COL4A3: variants seen among roughly 807,000 people sequenced by gnomAD.
The protein encoded by COL4A3 is collagen type IV alpha 3 chain.
Under a neutral mutation model 217.4 loss-of-function variants are expected in COL4A3, and 135 were observed. The observed-to-expected ratio is 0.62, with a 90% CI of 0.54 to 0.72. The LOEUF (loss-of-function observed/expected upper bound fraction) is 0.72, where lower values mean the gene tolerates loss of function less well. Among genes scored for constraint, COL4A3 ranks in the 30% least tolerant of loss-of-function variants. The pLI is 0.00. For synonymous variants in COL4A3, 690 were observed against 736.3 expected (o/e 0.94, Z 1.02); for missense variants, 1,868 against 2,119.9 (o/e 0.88, Z 2.33).
In COL4A3 at chr2:227,203,085, A is replaced by ACG. The variant is rs2066848362; in HGVS notation, c.88-34883_88-34882insCG. On this transcript the variant is annotated intron_variant, in intron 1 of 51. Transcript: ENST00000396578. The stretch of plus-strand genomic sequence containing the variant: ...TATACATATATGTGTATATATGTGT[A>ACG]TATATGTGTATATATACATATATGT... Among the ~76,000 whole-genome samples, 2 of 55,054 alleles carry ACG rather than the reference A, an allele frequency of 3.6e-5. 1 individual carries two copies. The allele number at this position is 55,054 out of a possible 152,430, so 36.1% of individuals were successfully genotyped here. A position where few individuals can be genotyped will look rare whatever the true frequency, so the allele number is the denominator to read the frequency against.
At chr2:227,173,238 A>G (rs78210842) in intron 1 of COL4A3, among the ~76,000 whole-genome samples, 7,525 of 152,286 alleles carry the variant, frequency 0.049, 227 homozygotes, top group Admixed American at 0.087. Flanking sequence ...TCTCAGTGTT[A>G]GACATCAGTG....
chr2:227,303,104 G>A lies in COL4A3; in HGVS notation c.3949G>A (p.Val1317Met), dbSNP rs200017859. The change falls in exon 44 of 52, where the codon GTG becomes ATG. Residue 1317 changes from valine (V) to methionine (M), a missense_variant. Physicochemically the swap from Val to Met is conservative, Grantham distance 21. Transcript: ENST00000396578. ...TCCTGGATTCCAGGGGTTTCCAGGC[G>A]TGAAAGGTACTGTTTTTGTGCATTG... ...GDPGFQGFPG[V>M]KGEKGNPGFL... The A allele has an allele frequency of 2.6e-5, 42 of 1,613,484 alleles. No individual in the cohort carries two copies. The highest frequency in any genetic ancestry group is 3.3e-5 in the Admixed American group (2 of 60,012).
At chr2:227,297,619 C>A (rs2073085982) in intron 41 of COL4A3, 55 bp from the exon 42 acceptor site, 1 of 1,536,766 alleles carries the variant, frequency 6.5e-7, no homozygotes, top group Non-Finnish European at 8.9e-7. Flanking sequence ...TAGTCAAGAA[C>A]TCTAACCCAA....
At chr2:227,178,993 C>A (rs951334428) in intron 1 of COL4A3, among the ~76,000 whole-genome samples, 3 of 152,076 alleles carry the variant, frequency 2.0e-5, no homozygotes, top group Non-Finnish European at 2.9e-5. Flanking sequence ...ACTCTGAGGC[C>A]CAGGCTAGAG....
chr2:227,223,301 G>C (rs1385619337), intron 1 of COL4A3, among the ~76,000 whole-genome samples: 1 of 152,086 alleles, frequency 6.6e-6, no homozygotes, highest in Non-Finnish European at 1.5e-5. Flanking sequence ...ACTGTCCTAA[G>C]GTTCTGTTGG....
Position 227,280,827 on chromosome 2 carries a change from C to T in COL4A3, c.2375-66C>T, listed in dbSNP as rs6436671. Reference sequence around the variant, plus strand: ...GGAAAAAAAGTTAACAGAAGAATGACTGGTACAGCAATACCAAGACCTTAA... The same window carrying T: ...GGAAAAAAAGTTAACAGAAGAATGATTGGTACAGCAATACCAAGACCTTAA... On this transcript the variant is annotated intron_variant, in intron 30 of 51. Coordinates refer to ENST00000396578, the MANE Select transcript of COL4A3 (RefSeq NM_000091.5). The T allele has an allele frequency of 0.92, 1,120,296 of 1,218,070 alleles. 515,424 individuals carry two copies. Among genetic ancestry groups the T allele is most frequent in the African/African-American group, 0.96 (64,201 of 66,636 alleles). The allele number at this position is 1,218,070 out of a possible 1,614,324, so 75.5% of individuals were successfully genotyped here. A position where few individuals can be genotyped will look rare whatever the true frequency, so the allele number is the denominator to read the frequency against.
chr2:227,180,074 G>A (rs757722942), intron 1 of COL4A3, among the ~76,000 whole-genome samples: 6 of 152,138 alleles, frequency 3.9e-5, no homozygotes, highest in South Asian at 4.2e-4. Context: ...GTTACTGGGC[G>A]GTGCGGTGCT....
chr2:227,172,003 G>C (rs769803528), intron 1 of COL4A3, among the ~76,000 whole-genome samples: 6 of 152,156 alleles, frequency 3.9e-5, no homozygotes, highest in African/African-American at 1.4e-4. Flanking sequence ...TGAGAGGGGA[G>C]CATGCGCAGT....
chr2:227,301,126 CCA>C (rs35020241), intron 43 of COL4A3, among the ~76,000 whole-genome samples: 19,784 of 152,120 alleles, frequency 0.13, 1,493 homozygotes, highest in African/African-American at 0.21. Flanking sequence ...CTCTTTGTGC[CCA>C]GAGTTTGCTC....
At chr2:227,275,172 T>TTGC (rs2071483276) in intron 26 of COL4A3, among the ~76,000 whole-genome samples, 1 of 151,492 alleles carries the variant, frequency 6.6e-6, no homozygotes, top group South Asian at 2.1e-4. Flanking sequence ...AAATGCTCTG[T>TTGC]TGTTGTTGTT....
chr2:227,263,996 T>C, intron 21 of COL4A3, 52 bp downstream of exon 21: 1 of 1,606,874 alleles, frequency 6.2e-7, no homozygotes, highest in Non-Finnish European at 8.5e-7. Flanking sequence ...ATGACAGATG[T>C]GTGCAAACCA....
At chr2:227,206,293 C>G (rs2067098917) in intron 1 of COL4A3, among the ~76,000 whole-genome samples, 1 of 152,094 alleles carries the variant, frequency 6.6e-6, no homozygotes, top group African/African-American at 2.4e-5. Flanking sequence ...AGGCTGGTCT[C>G]AACTCCTGAC....
Position 227,284,324 on chromosome 2 carries a change from A to G in COL4A3, c.2860A>G (p.Lys954Glu). 1 of 1,614,018 alleles carries G rather than the reference A, an allele frequency of 6.2e-7. No homozygotes were observed. The highest frequency in any genetic ancestry group is 8.5e-7 in the Non-Finnish European group (1 of 1,179,986). ...PSEISHVIGD[K>E]GEPGLKGFAG... ...AGAGATATCCCACGTAATAGGGGAC[A>G]AAGGAGAACCAGGTCTCAAAGGTAA... is the stretch of plus-strand genomic sequence containing the variant. The change falls in exon 34 of 52, where the codon AAA (lysine) becomes GAA (glutamate). Residue 954 changes from lysine to glutamate, a missense_variant. Around this residue, in one of 2 missense-constraint regions of COL4A3, gnomAD observed 1,503 missense variants for 1,786.1 expected, o/e 0.84. Coordinates refer to ENST00000396578, the MANE Select transcript of COL4A3 (RefSeq NM_000091.5).
chr2:227,283,660 C>A, intron 32 of COL4A3, 107 bp from the exon 33 acceptor site: 1 of 981,472 alleles, frequency 1.0e-6, no homozygotes, highest in Non-Finnish European at 1.6e-6. Context: ...GCCATTTTTT[C>A]AACTCCCAAT....
intron 1 of COL4A3, among the ~76,000 whole-genome samples, chr2:227,202,899 ATATATGTG>A (rs2066790646): frequency 5.0e-5 from 2 of 39,626 alleles, no homozygotes; most frequent in African/African-American, 2.7e-4. Flanking sequence ...ATATATGTGT[ATATATGTG>A]TATATATACA....
intron 1 of COL4A3, among the ~76,000 whole-genome samples, chr2:227,184,708 G>A (rs566605163): frequency 1.3e-5 from 2 of 152,092 alleles, no homozygotes; most frequent in African/African-American, 4.8e-5. Flanking sequence ...GAGGTATCAA[G>A]TTAATAAAAC....
chr2:227,169,121 A>G (rs2065385818), intron 1 of COL4A3: 2 of 144,130 alleles, frequency 1.4e-5, no homozygotes, highest in Admixed American at 7.5e-5. Context: ...GTTCCCACCT[A>G]TGAGTGAGAA....
At chr2:227,190,006 AC>A (rs1176887492) in intron 1 of COL4A3, among the ~76,000 whole-genome samples, 1 of 152,194 alleles carries the variant, frequency 6.6e-6, no homozygotes, top group African/African-American at 2.4e-5. Context: ...GCATGCTCTA[AC>A]GCCATAACAG....
chr2:227,257,886 G>A (rs1235609801), intron 18 of COL4A3, among the ~76,000 whole-genome samples: 1 of 152,210 alleles, frequency 6.6e-6, no homozygotes, highest in African/African-American at 2.4e-5. Flanking sequence ...GAGAAGAAAA[G>A]CTTTGTCTAA....
Sources: allele counts gnomAD v4.1 joint callset (sites outside exome capture counted in the v4.1 genomes callset), GRCh38; gene constraint gnomAD v4.1.1; regional missense constraint gnomAD v4.1.1; transcripts MANE v1.5; gene names NCBI Gene and HGNC (gene_info 2026-07-23, HGNC 2026-07-21).